The following WDR25 variants were observed in gnomAD, a reference collection of about 807,000 sequenced individuals.
WDR25 encodes WD repeat-containing protein 25.
Under a neutral mutation model 47.7 loss-of-function variants are expected in WDR25, and 35 were observed. The observed-to-expected ratio is 0.73, with a 90% confidence interval of 0.56 to 0.97. WDR25 has a LOEUF of 0.97. Ranked by LOEUF, WDR25 falls within the 50% of genes least tolerant of loss-of-function variation. WDR25 has a pLI of 0.00. For missense variants in WDR25, 634 were observed against 704.7 expected (o/e 0.90, Z 1.14); for synonymous variants, 248 against 278.9 (o/e 0.89, Z 1.10).
chr14:100,501,196 CTG>C (rs1284280070), intron 4 of WDR25, among the ~76,000 whole-genome samples: 1 of 150,814 alleles, frequency 6.6e-6, no homozygotes, highest in Non-Finnish European at 1.5e-5. Context: ...GTGTCCTCAA[CTG>C]TACAGTGCAG....
At chr14:100,402,841 G>A (rs76657669) in intron 2 of WDR25, among the ~76,000 whole-genome samples, 5,768 of 152,148 alleles carry the variant, frequency 0.038, 289 homozygotes, top group African/African-American at 0.12. Flanking sequence ...CGTGACCACC[G>A]TGGAGCAGAG....
At chr14:100,519,031 G>C (rs1901604963) in intron 4 of WDR25, among the ~76,000 whole-genome samples, 1 of 151,706 alleles carries the variant, frequency 6.6e-6, no homozygotes, top group Admixed American at 6.6e-5. Flanking sequence ...AGAATGTTTG[G>C]TGTCCATGCC....
At chr14:100,501,909 A>G (rs1182433317) in intron 4 of WDR25, among the ~76,000 whole-genome samples, 1 of 152,116 alleles carries the variant, frequency 6.6e-6, no homozygotes, top group African/African-American at 2.4e-5. Context: ...TGCAGAGAGG[A>G]GGATGGTGCA....
chr14:100,386,665 A>G (rs1423252709), intron 2 of WDR25, among the ~76,000 whole-genome samples: 2 of 152,128 alleles, frequency 1.3e-5, no homozygotes, highest in African/African-American at 2.4e-5. Context: ...AGGCCGAGGC[A>G]GGCGGATCAC....
chr14:100,522,561 C>T (rs908171021), intron 4 of WDR25, among the ~76,000 whole-genome samples: 1 of 152,192 alleles, frequency 6.6e-6, no homozygotes, highest in African/African-American at 2.4e-5. Context: ...GAACTCACAG[C>T]TCCATCCTAG....
intron 2 of WDR25, among the ~76,000 whole-genome samples, chr14:100,413,465 G>A (rs370894564): frequency 6.6e-6 from 1 of 151,116 alleles, no homozygotes; most frequent in East Asian, 2.0e-4. Flanking sequence ...CCAGGCTGGA[G>A]TGCAGTGCCA....
At chr14:100,396,167 G>A (rs1897256093) in intron 2 of WDR25, among the ~76,000 whole-genome samples, 1 of 151,806 alleles carries the variant, frequency 6.6e-6, no homozygotes, top group Non-Finnish European at 1.5e-5. Context: ...TAGTAGAGAT[G>A]GGGTTTCACC....
chr14:100,467,929 C>G (rs141823491), intron 2 of WDR25, 92 bp from the exon 3 acceptor site: 10 of 1,488,550 alleles, frequency 6.7e-6, no homozygotes, highest in Non-Finnish European at 8.2e-6. Context: ...CTAATTCCAC[C>G]GAGACCTTTT....
intron 2 of WDR25, among the ~76,000 whole-genome samples, chr14:100,451,640 T>C (rs1012431391): frequency 2.0e-5 from 3 of 152,202 alleles, no homozygotes; most frequent in Non-Finnish European, 2.9e-5. Flanking sequence ...AGAGCCTTGG[T>C]GATTCCATCC....
At chr14:100,466,679 GC>G (rs1319266572) in intron 2 of WDR25, among the ~76,000 whole-genome samples, 1 of 152,216 alleles carries the variant, frequency 6.6e-6, no homozygotes, top group South Asian at 2.1e-4. Context: ...CCCGAGGCCT[GC>G]CAGCAGCCGT....
At chr14:100,418,186 C>T (rs1033442322) in intron 2 of WDR25, among the ~76,000 whole-genome samples, 1 of 151,412 alleles carries the variant, frequency 6.6e-6, no homozygotes, top group African/African-American at 2.4e-5. Flanking sequence ...GTGATCCACA[C>T]CCCCCACTCA....
intron 2 of WDR25, among the ~76,000 whole-genome samples, chr14:100,453,525 A>G (rs936391164): frequency 6.6e-6 from 1 of 152,240 alleles, no homozygotes; most frequent in Non-Finnish European, 1.5e-5. Context: ...TCAATACATG[A>G]TTATTGCTAC....
At chr14:100,515,662 T>A (rs1901465729) in intron 4 of WDR25, among the ~76,000 whole-genome samples, 1 of 152,138 alleles carries the variant, frequency 6.6e-6, no homozygotes, top group Non-Finnish European at 1.5e-5. Flanking sequence ...TGAGTCTCAC[T>A]CTGTCACCCA....
At chr14:100,501,309 C>T (rs1461096707) in intron 4 of WDR25, among the ~76,000 whole-genome samples, 1 of 152,112 alleles carries the variant, frequency 6.6e-6, no homozygotes, top group Non-Finnish European at 1.5e-5. Flanking sequence ...AATAAATGCT[C>T]CTGGCCATCT....
chr14:100,483,244 T>C (rs1900265572), intron 3 of WDR25, among the ~76,000 whole-genome samples: 1 of 152,206 alleles, frequency 6.6e-6, no homozygotes, highest in African/African-American at 2.4e-5. Context: ...TAAAAGATCA[T>C]AGTGATAAAA....
intron 2 of WDR25, among the ~76,000 whole-genome samples, chr14:100,450,748 C>T (rs998270549): frequency 5.3e-5 from 8 of 152,148 alleles, no homozygotes; most frequent in East Asian, 1.9e-4. Flanking sequence ...TCTTCTTCCC[C>T]GCAGTTATTG....
intron 2 of WDR25, among the ~76,000 whole-genome samples, chr14:100,419,221 C>CAAAAA (rs767240939): frequency 1.4e-5 from 1 of 72,220 alleles, no homozygotes; most frequent in African/African-American, 4.8e-5. Context: ...GACTCCATCA[C>CAAAAA]AAAAAAAAAA....
At chr14:100,509,803 G>A (rs1901240211) in intron 4 of WDR25, among the ~76,000 whole-genome samples, 1 of 152,064 alleles carries the variant, frequency 6.6e-6, no homozygotes, top group Admixed American at 6.5e-5. Context: ...GTATGGTACA[G>A]GTATGGATGT....
chr14:100,521,868 A>T (rs1191440298), intron 4 of WDR25, among the ~76,000 whole-genome samples: 1 of 152,158 alleles, frequency 6.6e-6, no homozygotes, highest in African/African-American at 2.4e-5. Flanking sequence ...CAGGGCTTGT[A>T]CCATTTGCAT....
Sources: gnomAD v4.1 joint callset for allele counts (sites outside exome capture counted in the v4.1 genomes callset) on GRCh38, gnomAD v4.1.1 for gene constraint, MANE v1.5 for transcripts, NCBI Gene and HGNC (gene_info 2026-07-23, HGNC 2026-07-21) for gene names.